Variants in KCNQ1 observed in about 807,000 individuals in gnomAD.
KCNQ1 encodes potassium voltage-gated channel subfamily Q member 1.
A neutral mutation model predicts 72.4 loss-of-function variants in KCNQ1; 49 were observed. The ratio of observed to expected loss-of-function variants is 0.68; its 90% CI spans 0.54 to 0.86. The LOEUF is 0.86. KCNQ1 is among the 40% of genes least tolerant of loss of function. The probability of loss-of-function intolerance (pLI) is 0.00; values close to 1 mark genes in which losing one functional copy is unlikely to be tolerated. For missense variants in KCNQ1, 790 were observed against 945.1 expected (o/e 0.84, Z 2.15); for synonymous variants, 450 against 412.6 (o/e 1.09, Z -1.10).
chr11:2,559,274 G>A lies in KCNQ1; in HGVS notation c.478-11354G>A, dbSNP rs1285829466. On this transcript the variant is annotated intron_variant, in intron 2 of 15. Transcript: ENST00000155840. This position sits in a 1 kb window ranked among gnomAD's most constrained non-coding sequence, Gnocchi z 4.9. ...CAAGGCCTTATGGAATCAGTCCTGG[G>A]GCCTGGAGGGTCGTAGAGAAATGTG... Among the ~76,000 whole-genome samples, 1 of 152,172 alleles carries A rather than the reference G, an allele frequency of 6.6e-6. No individual in the cohort carries two copies. The highest frequency in any genetic ancestry group is 1.5e-5 in the Non-Finnish European group (1 of 68,022).
Position 2,745,589 on chromosome 11 carries a change from C to T in KCNQ1, c.1515-23255C>T, listed in dbSNP as rs892538128. Among the ~76,000 whole-genome samples the T allele has an allele frequency of 6.6e-6, 1 of 152,238 alleles. No individual in the cohort carries two copies. The highest frequency in any genetic ancestry group is 2.4e-5 in the African/African-American group (1 of 41,470). ...AGCGTGACCACAGGCCCCCATTCCC[C>T]AGCCCCTAATGTTCTTGCCTCATGT... On this transcript the variant is annotated intron_variant, in intron 11 of 15. Transcript: ENST00000155840. The surrounding 1 kb of genome is among the most constrained non-coding windows in gnomAD (Gnocchi z 6.2).
Position 2,777,039 on chromosome 11 carries a change from T to C in KCNQ1, c.1732+7T>C, listed in dbSNP as rs1308468904. The C allele has an allele frequency of 6.2e-7, 1 of 1,613,936 alleles. No individual in the cohort carries two copies. The highest frequency in any genetic ancestry group is 2.2e-5 in the East Asian group (1 of 44,886). On this transcript the variant is annotated splice_region_variant and intron_variant, in intron 14 of 15. Transcript: ENST00000155840. ...CTGTTCATCTCCGTCTCAGGTGGGT[T>C]TCTGTGTCAGTTACTCTGGGCCCAG... is the stretch of plus-strand genomic sequence containing the variant.
intron 10 of KCNQ1, chr11:2,630,947 G>T (rs868630768): frequency 5.0e-6 from 2 of 398,506 alleles, no homozygotes; most frequent in Middle Eastern, 6.3e-4. Flanking sequence ...GAAATCCACT[G>T]ATAGCCTTAT....
At chr11:2,637,691 C>G (rs1383592392) in intron 10 of KCNQ1, 1 of 152,200 alleles carries the variant, frequency 6.6e-6, no homozygotes, top group Non-Finnish European at 1.5e-5. Context: ...CTGTAGATGT[C>G]TATTAGGTCC....
In KCNQ1 at chr11:2,607,955, A is replaced by G. The variant is rs72847700; in HGVS notation, c.1393+19101A>G. Reference sequence around the variant, plus strand: ...CAATAGTATTCCTATACACTGTCAAAAACAATCTGAAAATAAGAAAACAAT... The same window carrying G: ...CAATAGTATTCCTATACACTGTCAAGAACAATCTGAAAATAAGAAAACAAT... On this transcript the variant is annotated intron_variant, in intron 10 of 15. Transcript: ENST00000155840. 9.3e-3 allele frequency among the ~76,000 whole-genome samples: 1,415 copies of G among 152,338 alleles called. 12 individuals are homozygous for G. Among genetic ancestry groups the G allele is most frequent in the Non-Finnish European group, 0.017 (1,150 of 68,030 alleles).
intron 15 of KCNQ1, among the ~76,000 whole-genome samples, chr11:2,838,346 G>T (rs1436968900): frequency 6.6e-6 from 1 of 152,150 alleles, no homozygotes; most frequent in Non-Finnish European, 1.5e-5. Flanking sequence ...CCAGGGACCG[G>T]CGCGCCGGGA....
At chr11:2,742,559 C>T (rs1432645894) in intron 11 of KCNQ1, among the ~76,000 whole-genome samples, 2 of 152,234 alleles carry the variant, frequency 1.3e-5, no homozygotes, top group Non-Finnish European at 2.9e-5. Flanking sequence ...GCAGTTTACA[C>T]TTTGCAGCTG....
chr11:2,507,310 C>A lies in KCNQ1; in HGVS notation c.387-20618C>A, dbSNP rs2133655268. The stretch of plus-strand genomic sequence containing the variant: ...CCCACTGGCTGGGGCCTTCACGAGG[C>A]CCCTCTGGCCTCTAAGTGGAGCATG... On this transcript the variant is annotated intron_variant, in intron 1 of 15. Coordinates refer to ENST00000155840, the MANE Select transcript of KCNQ1 (RefSeq NM_000218.3). This position sits in a 1 kb window ranked among gnomAD's most constrained non-coding sequence, Gnocchi z 5.4. 6.6e-6 allele frequency among the ~76,000 whole-genome samples: 1 copy of A among 152,292 alleles called. No individual in the cohort carries two copies. The highest frequency in any genetic ancestry group is 1.9e-4 in the East Asian group (1 of 5,176).
intron 10 of KCNQ1, chr11:2,641,247 T>C (rs1403800002): frequency 2.5e-6 from 1 of 398,304 alleles, no homozygotes; most frequent in Non-Finnish European, 4.4e-6. Context: ...TCAAACTGTT[T>C]TCTATAGTAT....
At position 2,687,371 on chromosome 11, in the gene KCNQ1, C is replaced by T. The variant is rs1053405626; in HGVS notation, c.1514+25290C>T. ...TAGCCAGGTCTGCCTTGGGCTGTCA[C>T]TCAGGGCTGAGCTCTGCTGAAGGAT... On this transcript the variant is annotated intron_variant, in intron 11 of 15. Coordinates refer to ENST00000155840, the MANE Select transcript of KCNQ1 (RefSeq NM_000218.3). This position sits in a 1 kb window ranked among gnomAD's most constrained non-coding sequence, Gnocchi z 5.0. 7 of 398,580 alleles carry T rather than the reference C, an allele frequency of 1.8e-5. No individual in the cohort carries two copies. The highest frequency in any genetic ancestry group is 2.2e-5 in the Non-Finnish European group (5 of 226,118). 24.7% of individuals were successfully genotyped at this position (398,580 alleles called of 1,614,324 possible). A position where few individuals can be genotyped will look rare whatever the true frequency, so the allele number is the denominator to read the frequency against.
At chr11:2,503,247 G>C (rs1293963060) in intron 1 of KCNQ1, among the ~76,000 whole-genome samples, 1 of 152,120 alleles carries the variant, frequency 6.6e-6, no homozygotes, top group Non-Finnish European at 1.5e-5. Flanking sequence ...TGCAGAATGG[G>C]AGAAAATATT....
intron 1 of KCNQ1, among the ~76,000 whole-genome samples, chr11:2,445,876 C>T (rs1030948093): frequency 6.6e-6 from 1 of 152,112 alleles, no homozygotes; most frequent in Non-Finnish European, 1.5e-5. Flanking sequence ...GCTCAGGAGC[C>T]CCCAAGAGAG....
rs1845910741 is a variant in KCNQ1 at position 2,734,008 on chromosome 11, C to G, written c.1515-34836C>G. ...CTTCCCCTGAACATCCTCCTCAGAG[C>G]AGTTGCGCGCTCTAAATCAGGACCA... is the stretch of plus-strand genomic sequence containing the variant. On this transcript the variant is annotated intron_variant, in intron 11 of 15. Coordinates refer to ENST00000155840, the MANE Select transcript of KCNQ1 (RefSeq NM_000218.3). The surrounding 1 kb of genome is among the most constrained non-coding windows in gnomAD (Gnocchi z 7.0). Among the ~76,000 whole-genome samples, 1 of 152,018 alleles carries G rather than the reference C, an allele frequency of 6.6e-6. No homozygotes were observed. The highest frequency in any genetic ancestry group is 2.4e-5 in the African/African-American group (1 of 41,388).
rs1352312962 is a variant in KCNQ1 at position 2,537,082 on chromosome 11, T to C, written c.477+9064T>C. Among the ~76,000 whole-genome samples the C allele has an allele frequency of 6.6e-6, 1 of 152,016 alleles. No homozygotes were observed. The highest frequency in any genetic ancestry group is 2.4e-5 in the African/African-American group (1 of 41,290). ...ACTGATCATATCTGCAGGGACCCCA[T>C]TTCCAAACAAGGTCTTACTCTGAGT... On this transcript the variant is annotated intron_variant, in intron 2 of 15. Transcript: ENST00000155840. The surrounding 1 kb of genome is among the most constrained non-coding windows in gnomAD (Gnocchi z 5.2).
In KCNQ1 at chr11:2,720,001, G is replaced by T. The variant is rs962830378; in HGVS notation, c.1515-48843G>T. 2.0e-5 allele frequency among the ~76,000 whole-genome samples: 3 copies of T among 152,226 alleles called. No homozygotes were observed. Among genetic ancestry groups the T allele is most frequent in the Non-Finnish European group, 4.4e-5 (3 of 68,040 alleles). On this transcript the variant is annotated intron_variant, in intron 11 of 15. Transcript: ENST00000155840. The surrounding 1 kb of genome is among the most constrained non-coding windows in gnomAD (Gnocchi z 5.1). Reference sequence around the variant, plus strand: ...TGCACGCCTGGGCGGAGGTGGAGCCGCTTCACCATACATGCAAATGTAGCA... The same window carrying T: ...TGCACGCCTGGGCGGAGGTGGAGCCTCTTCACCATACATGCAAATGTAGCA...
rs912962318 is a variant in KCNQ1 at position 2,549,836 on chromosome 11, G to C, written c.478-20792G>C. 6.6e-6 allele frequency among the ~76,000 whole-genome samples: 1 copy of C among 152,110 alleles called. No individual in the cohort carries two copies. Among genetic ancestry groups the C allele is most frequent in the African/African-American group, 2.4e-5 (1 of 41,428 alleles). On this transcript the variant is annotated intron_variant, in intron 2 of 15. Coordinates refer to ENST00000155840, the MANE Select transcript of KCNQ1 (RefSeq NM_000218.3). This position sits in a 1 kb window ranked among gnomAD's most constrained non-coding sequence, Gnocchi z 6.2. ...CCCATGACTGGCCCTGGGTGGCGGA[G>C]AGACCCCTGGGCAGGACACCCCTCC...
rs1156313442 is a variant in KCNQ1 at position 2,724,270 on chromosome 11, C to A, written c.1515-44574C>A. ...TGCGGTGTCACCTTTCGGCATGTAA[C>A]CACTTATTCTGTCAGGGAGGAGAGC... On this transcript the variant is annotated intron_variant, in intron 11 of 15. Coordinates refer to ENST00000155840, the MANE Select transcript of KCNQ1 (RefSeq NM_000218.3). This position sits in a 1 kb window ranked among gnomAD's most constrained non-coding sequence, Gnocchi z 6.8. 6.6e-6 allele frequency among the ~76,000 whole-genome samples: 1 copy of A among 152,212 alleles called. No individual in the cohort carries two copies. Among genetic ancestry groups the A allele is most frequent in the African/African-American group, 2.4e-5 (1 of 41,448 alleles).
At chr11:2,465,459 C>T (rs1238273648) in intron 1 of KCNQ1, among the ~76,000 whole-genome samples, 1 of 152,236 alleles carries the variant, frequency 6.6e-6, no homozygotes, top group Non-Finnish European at 1.5e-5. Flanking sequence ...ACCACGGCCC[C>T]CACCAGGGCT....
chr11:2,719,023 T>C (rs1038636282), intron 11 of KCNQ1, among the ~76,000 whole-genome samples: 3 of 152,198 alleles, frequency 2.0e-5, no homozygotes, highest in Non-Finnish European at 4.4e-5. Flanking sequence ...CAGATACTCA[T>C]CTACGCTTGT....
Sources: allele counts gnomAD v4.1 joint callset (sites outside exome capture counted in the v4.1 genomes callset), GRCh38; gene constraint gnomAD v4.1.1; non-coding constraint Gnocchi (gnomAD v3.1); transcripts MANE v1.5; gene names NCBI Gene and HGNC (gene_info 2026-07-23, HGNC 2026-07-21).